ADAP1: variants seen among roughly 807,000 people sequenced by gnomAD.
The protein encoded by ADAP1 is arf-GAP with dual PH domain-containing protein 1.
A neutral mutation model predicts 54.9 loss-of-function variants in ADAP1; 31 were observed. The ratio of observed to expected loss-of-function variants is 0.56; its 90% confidence interval spans 0.42 to 0.76. ADAP1 has a LOEUF of 0.76. ADAP1 is among the 30% of genes least tolerant of loss of function. The pLI, the probability that ADAP1 is intolerant of heterozygous loss-of-function variation, is 0.00. For synonymous variants in ADAP1, 313 were observed against 202.6 expected, an observed-to-expected ratio of 1.55 and a Z score of -4.63; for missense variants, 535 against 512.4, an observed-to-expected ratio of 1.04 and a Z score of -0.42.
rs1554272535 is a variant in ADAP1, at chr7:906,806, G to GGGGGGACATGGGAGACAC, written c.389-1635_389-1634insGTGTCTCCCATGTCCCCC. 7.4e-4 allele frequency among the ~76,000 whole-genome samples: 33 copies of GGGGGGACATGGGAGACAC among 44,466 alleles called. 3 individuals are homozygous for GGGGGGACATGGGAGACAC. The highest frequency in any genetic ancestry group is 2.4e-3 in the African/African-American group (26 of 11,006). The allele number at this position is 44,466 out of a possible 152,430, so 29.2% of individuals were successfully genotyped here. A position where few individuals can be genotyped will look rare whatever the true frequency, so the allele number is the denominator to read the frequency against. ...ACACGGGGGACGGGACAGGGGACATGGGGGGACATGGGTCAGATGGTGATG... is the reference window on the plus strand; with the variant it reads ...ACACGGGGGACGGGACAGGGGACATGGGGGGACATGGGAGACACGGGGGACATGGGTCAGATGGTGATG... On this transcript the variant is annotated intron_variant, in intron 4 of 10. Transcript: ENST00000265846.
At chr7:910,284 T>TC (rs1207701380) in intron 4 of ADAP1, among the ~76,000 whole-genome samples, 30 of 151,498 alleles carry the variant, frequency 2.0e-4, no homozygotes, top group African/African-American at 4.6e-4. Flanking sequence ...TTTTTTTTTT[T>TC]CCCCACCCAG....
chr7:899,670 C>T (rs1054138748), intron 8 of ADAP1, among the ~76,000 whole-genome samples, 180 bp from the exon 9 acceptor site: 6 of 152,214 alleles, frequency 3.9e-5, no homozygotes, highest in Admixed American at 2.6e-4. Context: ...CTCCAGCCTC[C>T]ACACGGCACC....
chr7:913,391 C>T (rs1204575535), intron 4 of ADAP1, among the ~76,000 whole-genome samples: 1 of 151,708 alleles, frequency 6.6e-6, no homozygotes, highest in East Asian at 2.0e-4. Flanking sequence ...TTAGTAGAGA[C>T]GGGGTTTCAC....
At chr7:913,452 C>A (rs1347181138) in intron 4 of ADAP1, among the ~76,000 whole-genome samples, 1 of 152,090 alleles carries the variant, frequency 6.6e-6, no homozygotes, top group Non-Finnish European at 1.5e-5. Flanking sequence ...CCGCCTGCCT[C>A]AGCCTCCCAA....
At chr7:916,490 C>T (rs1014298451) in intron 4 of ADAP1, among the ~76,000 whole-genome samples, 9 of 152,164 alleles carry the variant, frequency 5.9e-5, no homozygotes, top group African/African-American at 1.7e-4. Context: ...AGTGAGGCCA[C>T]GTGCCACCTT....
At chr7:915,593 C>T (rs898611943) in intron 4 of ADAP1, among the ~76,000 whole-genome samples, 3 of 152,222 alleles carry the variant, frequency 2.0e-5, no homozygotes, top group Non-Finnish European at 1.5e-5. Context: ...CCAACCCCTG[C>T]CCGAGGGTCA....
intron 4 of ADAP1, among the ~76,000 whole-genome samples, chr7:913,166 C>T (rs191317083): frequency 0.014 from 2,094 of 149,074 alleles, 44 homozygotes; most frequent in African/African-American, 0.048. Context: ...AACTGGAATT[C>T]GTGTGCAAAG....
At chr7:919,358 C>G (rs1846067250) in intron 4 of ADAP1, among the ~76,000 whole-genome samples, 1 of 152,128 alleles carries the variant, frequency 6.6e-6, no homozygotes, top group African/African-American at 2.4e-5. Context: ...CAGCCACGGC[C>G]CCACGAGGTC....
chr7:900,884 G>C, intron 6 of ADAP1: 1 of 512,264 alleles, frequency 2.0e-6, no homozygotes, highest in Non-Finnish European at 3.6e-6. Context: ...AAGGGCCGAA[G>C]GGCCGGGCCG....
Position 920,069 on chromosome 7 carries a change from C to T in ADAP1, c.306-19G>A, listed in dbSNP as rs898230205. ...AAGGAGCCTGTGGGGAGAGGAGAGA[C>T]TGAGCCACTGGGCCAAGGCGGCCTC... On this transcript the variant is annotated intron_variant, in intron 3 of 10. Coordinates refer to ENST00000265846, the MANE Select transcript of ADAP1 (RefSeq NM_006869.4). This position sits in a 1 kb window ranked among gnomAD's most constrained non-coding sequence, Gnocchi z 4.5. 19 of 1,602,218 alleles carry T rather than the reference C, an allele frequency of 1.2e-5. No individual in the cohort carries two copies. The highest frequency in any genetic ancestry group is 1.5e-5 in the Non-Finnish European group (18 of 1,178,526).
At chr7:916,053 G>A (rs1057321690) in intron 4 of ADAP1, among the ~76,000 whole-genome samples, 3 of 152,216 alleles carry the variant, frequency 2.0e-5, no homozygotes, top group Admixed American at 2.0e-4. Flanking sequence ...GCCACTCCAG[G>A]GGCCAGAGGC....
chr7:925,945 C>T (rs1364963994), intron 3 of ADAP1, among the ~76,000 whole-genome samples: 2 of 152,164 alleles, frequency 1.3e-5, no homozygotes, highest in African/African-American at 2.4e-5. Flanking sequence ...GTGACAGGTA[C>T]GAGGGGGTCG....
At chr7:947,322 G>A (rs62433090) in intron 1 of ADAP1, among the ~76,000 whole-genome samples, 43,581 of 149,458 alleles carry the variant, frequency 0.29, 6,481 homozygotes, top group South Asian at 0.43. Flanking sequence ...CTCCCAAAGT[G>A]CTGGGATCAC....
At chr7:914,710 C>A (rs1845860641) in intron 4 of ADAP1, among the ~76,000 whole-genome samples, 1 of 152,146 alleles carries the variant, frequency 6.6e-6, no homozygotes, top group African/African-American at 2.4e-5. Flanking sequence ...TGCCCTGGAG[C>A]CCCTGAACAC....
chr7:934,837 C>T (rs1335604990), intron 2 of ADAP1, among the ~76,000 whole-genome samples: 1 of 152,184 alleles, frequency 6.6e-6, no homozygotes, highest in Non-Finnish European at 1.5e-5. Context: ...CCAAGTGCTC[C>T]GTGAAGCCTC....
intron 4 of ADAP1, among the ~76,000 whole-genome samples, chr7:906,615 GGGAAA>G (rs1470445615): frequency 4.9e-5 from 3 of 61,374 alleles, no homozygotes; most frequent in African/African-American, 3.3e-4. Flanking sequence ...AAGGGAGAAA[GGGAAA>G]GGAGAAAGGA....
chr7:924,506 G>A (rs868790910), intron 3 of ADAP1, among the ~76,000 whole-genome samples: 46 of 69,838 alleles, frequency 6.6e-4, no homozygotes, highest in Non-Finnish European at 1.1e-3. Context: ...TGCACCCCCC[G>A]CCCTCCAGAT....
chr7:911,352 G>A (rs1017491894), intron 4 of ADAP1, among the ~76,000 whole-genome samples: 2 of 152,174 alleles, frequency 1.3e-5, no homozygotes, highest in South Asian at 4.1e-4. Context: ...TTCCTGCCCA[G>A]AGTGACGTGT....
In ADAP1 at chr7:945,512, C is replaced by T. The variant is rs1847115525; in HGVS notation, c.82+8884G>A. Among the ~76,000 whole-genome samples the T allele has an allele frequency of 6.6e-6, 1 of 152,246 alleles. No homozygotes were observed. Among genetic ancestry groups the T allele is most frequent in the Non-Finnish European group, 1.5e-5 (1 of 68,032 alleles). On this transcript the variant is annotated intron_variant, in intron 1 of 10. Transcript: ENST00000265846. This position sits in a 1 kb window ranked among gnomAD's most constrained non-coding sequence, Gnocchi z 4.2. Reference sequence around the variant, plus strand: ...AAATGCCTGGAGTCAGCACCCACGGCCTGTGGTGCCCCCAGAACAGGCCAC... The same window carrying T: ...AAATGCCTGGAGTCAGCACCCACGGTCTGTGGTGCCCCCAGAACAGGCCAC...
Sources: allele counts gnomAD v4.1 joint callset (sites outside exome capture counted in the v4.1 genomes callset), GRCh38; gene constraint gnomAD v4.1.1; non-coding constraint Gnocchi (gnomAD v3.1); transcripts MANE v1.5; gene names NCBI Gene and HGNC (gene_info 2026-07-23, HGNC 2026-07-21).